The following BICC1 variants were observed in gnomAD, a reference collection of about 807,000 sequenced individuals.
The protein encoded by BICC1 is BicC family RNA binding protein 1.
BICC1 carries 43 observed loss-of-function variants against 111.0 expected under a neutral mutation model. The observed-to-expected ratio is 0.39, with a 90% CI of 0.30 to 0.50. The LOEUF (loss-of-function observed/expected upper bound fraction) is 0.50. BICC1 is among the 20% of genes least tolerant of loss of function. The probability of loss-of-function intolerance (pLI) is 0.88; values close to 1 mark genes in which losing one functional copy is unlikely to be tolerated. For synonymous variants in BICC1, 467 were observed against 434.4 expected (o/e 1.07, Z -0.93); for missense variants, 1,091 against 1,203.2 (o/e 0.91, Z 1.38).
At chr10:58,795,288 A>G (rs1564618048) in intron 9 of BICC1, among the ~76,000 whole-genome samples, 1 of 152,202 alleles carries the variant, frequency 6.6e-6, no homozygotes, top group African/African-American at 2.4e-5. Context: ...CCTTCTCCCA[A>G]AGAAAACTTT....
intron 1 of BICC1, among the ~76,000 whole-genome samples, chr10:58,608,995 A>G (rs2132099687): frequency 6.6e-6 from 1 of 152,338 alleles, no homozygotes; most frequent in Middle Eastern, 3.4e-3. Context: ...GGATTTCTGC[A>G]TATAACCTGA....
At chr10:58,516,825 A>G (rs1054379007) in intron 1 of BICC1, among the ~76,000 whole-genome samples, 4 of 152,188 alleles carry the variant, frequency 2.6e-5, no homozygotes, top group African/African-American at 9.6e-5. Context: ...TATAAGTTAC[A>G]TATCATAACT....
chr10:58,567,418 G>A (rs888829254), intron 1 of BICC1, among the ~76,000 whole-genome samples: 5 of 151,808 alleles, frequency 3.3e-5, no homozygotes, highest in Admixed American at 1.3e-4. Context: ...ATATATATAT[G>A]TGTGTGTCTT....
chr10:58,811,141 T>C (rs944388995), intron 17 of BICC1, among the ~76,000 whole-genome samples: 3 of 152,240 alleles, frequency 2.0e-5, no homozygotes, highest in African/African-American at 7.2e-5. Context: ...TTCTAAATTA[T>C]GACCCTGTCC....
intron 3 of BICC1, among the ~76,000 whole-genome samples, chr10:58,735,554 G>A (rs771996789): frequency 1.3e-5 from 2 of 151,518 alleles, no homozygotes; most frequent in African/African-American, 2.4e-5. Context: ...CTTCCCTATC[G>A]TAGTCACTGG....
chr10:58,719,279 T>C (rs572539178), intron 3 of BICC1, among the ~76,000 whole-genome samples: 1 of 152,286 alleles, frequency 6.6e-6, no homozygotes, highest in Admixed American at 6.5e-5. Context: ...GCAACATTGA[T>C]TTATATTTTG....
intron 8 of BICC1, among the ~76,000 whole-genome samples, chr10:58,791,328 G>T (rs1407820403): frequency 6.6e-6 from 1 of 151,944 alleles, no homozygotes; most frequent in Non-Finnish European, 1.5e-5. Flanking sequence ...GACCATACCT[G>T]CCAAAAATAA....
chr10:58,712,570 T>G (rs1840610581), intron 3 of BICC1, among the ~76,000 whole-genome samples: 1 of 152,230 alleles, frequency 6.6e-6, no homozygotes, highest in Non-Finnish European at 1.5e-5. Flanking sequence ...GATTCAATCT[T>G]AAATGCATTA....
chr10:58,531,645 G>C (rs895396389), intron 1 of BICC1, among the ~76,000 whole-genome samples: 1 of 151,802 alleles, frequency 6.6e-6, no homozygotes, highest in Non-Finnish European at 1.5e-5. Context: ...TTTTAAATTA[G>C]TGCACTACAA....
chr10:58,566,181 C>T (rs573635129), intron 1 of BICC1, among the ~76,000 whole-genome samples: 2 of 151,048 alleles, frequency 1.3e-5, no homozygotes, highest in South Asian at 4.2e-4. Context: ...CATATACACA[C>T]GTGTGTATAT....
chr10:58,682,567 G>C (rs547658275), intron 2 of BICC1, among the ~76,000 whole-genome samples: 4 of 152,224 alleles, frequency 2.6e-5, no homozygotes, highest in South Asian at 2.1e-4. Context: ...ATTCTAACTG[G>C]TGTGAGATGG....
chr10:58,716,587 T>C (rs986410631), intron 3 of BICC1, among the ~76,000 whole-genome samples: 2 of 152,190 alleles, frequency 1.3e-5, no homozygotes, highest in African/African-American at 4.8e-5. Flanking sequence ...TAGAAATGTC[T>C]AAGGATAAAC....
At chr10:58,821,067 A>C (rs1844238829) in intron 20 of BICC1, among the ~76,000 whole-genome samples, 3 of 152,150 alleles carry the variant, frequency 2.0e-5, no homozygotes, top group Non-Finnish European at 4.4e-5. Context: ...TATATATTTT[A>C]GAAAATGCTC....
At chr10:58,525,659 A>C (rs1465378064) in intron 1 of BICC1, among the ~76,000 whole-genome samples, 1 of 147,358 alleles carries the variant, frequency 6.8e-6, no homozygotes, top group Non-Finnish European at 1.5e-5. Context: ...ACATGTATAC[A>C]TATGTAACTA....
intron 1 of BICC1, among the ~76,000 whole-genome samples, chr10:58,611,978 G>C (rs183124159): frequency 6.6e-6 from 1 of 151,984 alleles, no homozygotes; most frequent in Non-Finnish European, 1.5e-5. Context: ...TTCTCAACAG[G>C]CCTATTTATT....
rs529159628 is a variant in BICC1 at position 58,762,964 on chromosome 10, T to C, written c.308-22037T>C. On this transcript the variant is annotated intron_variant, in intron 3 of 20. Transcript: ENST00000373886. The stretch of plus-strand genomic sequence containing the variant: ...GTTAGACTCAATGAAACAGAAAGTT[T>C]ATAGGTTCTAAATGTAAAATGGAGC... 8.5e-5 allele frequency among the ~76,000 whole-genome samples: 13 copies of C among 152,304 alleles called. No individual in the cohort carries two copies. In the East Asian group the frequency reaches 1.2e-3, roughly 14 times the overall value.
At chr10:58,600,836 C>T (rs908987159) in intron 1 of BICC1, among the ~76,000 whole-genome samples, 3 of 151,896 alleles carry the variant, frequency 2.0e-5, no homozygotes, top group African/African-American at 7.3e-5. Flanking sequence ...TTTAATAATA[C>T]ATTATATAAT....
intron 8 of BICC1, among the ~76,000 whole-genome samples, chr10:58,792,557 T>G (rs1424176454): frequency 9.9e-5 from 15 of 152,094 alleles, no homozygotes; most frequent in Non-Finnish European, 2.9e-5. Flanking sequence ...CCTGTGAGAT[T>G]AGCAGTGGCA....
intron 20 of BICC1, among the ~76,000 whole-genome samples, chr10:58,825,220 G>A (rs1027301240): frequency 2.0e-5 from 3 of 152,128 alleles, no homozygotes; most frequent in Non-Finnish European, 4.4e-5. Flanking sequence ...GGGTTCATGA[G>A]TTGGCAGAGC....
Sources: allele counts gnomAD v4.1 joint callset (sites outside exome capture counted in the v4.1 genomes callset), GRCh38; gene constraint gnomAD v4.1.1; transcripts MANE v1.5; gene names NCBI Gene and HGNC (gene_info 2026-07-23, HGNC 2026-07-21).